SOX6: variants seen among roughly 807,000 people sequenced by gnomAD.
SOX6 encodes SRY-box transcription factor 6.
SOX6 carries 11 observed loss-of-function variants against 97.8 expected under a neutral mutation model. That is an observed-to-expected ratio of 0.11 (90% CI 0.07 to 0.19). The LOEUF (loss-of-function observed/expected upper bound fraction) is 0.19. Among genes scored for constraint, SOX6 ranks in the 10% least tolerant of loss-of-function variants. The probability of loss-of-function intolerance (pLI) is 1.00; values close to 1 mark genes in which losing one functional copy is unlikely to be tolerated. For synonymous variants in SOX6, 360 were observed against 371.4 expected, an observed-to-expected ratio of 0.97 and a Z score of 0.35; for missense variants, 810 against 1,039.5, an observed-to-expected ratio of 0.78 and a Z score of 3.04.
At chr11:16,335,962 G>A (rs1856448134) in intron 2 of SOX6, among the ~76,000 whole-genome samples, 1 of 152,052 alleles carries the variant, frequency 6.6e-6, no homozygotes, top group South Asian at 2.1e-4. Flanking sequence ...TATTTAAGGT[G>A]GAAACTTATT....
chr11:16,588,937 A>G (rs1848123286), intron 4 of SOX6, among the ~76,000 whole-genome samples: 1 of 152,172 alleles, frequency 6.6e-6, no homozygotes, highest in Non-Finnish European at 1.5e-5. Flanking sequence ...AGGCAGGAGG[A>G]TCACTTGAGC....
rs191723704 is a variant in SOX6 at position 16,588,527 on chromosome 11, A to C, written n.609+23554T>G. ...CCAGCTTCTGCTCTGATTTTATCTA[A>C]ATCCAAGGAAGGCTGGGTGCAGAAA... On this transcript the variant is annotated intron_variant and non_coding_transcript_variant, in intron 4 of 5. Coordinates refer to the SOX6 transcript ENST00000524520. 8.6e-4 allele frequency among the ~76,000 whole-genome samples: 131 copies of C among 152,254 alleles called. 1 individual carries two copies. Among genetic ancestry groups the C allele is most frequent in the Admixed American group, 1.6e-3 (24 of 15,284 alleles).
intron 3 of SOX6, among the ~76,000 whole-genome samples, chr11:16,708,488 A>AT (rs957864768): frequency 1.6e-4 from 24 of 152,170 alleles, no homozygotes; most frequent in African/African-American, 5.1e-4. Flanking sequence ...ATATACCTAC[A>AT]TTTTTTGTAA....
chr11:16,299,338 G>A (rs948866586), intron 3 of SOX6, among the ~76,000 whole-genome samples: 1 of 152,058 alleles, frequency 6.6e-6, no homozygotes, highest in Admixed American at 6.6e-5. Flanking sequence ...GCACGACCAA[G>A]CAATTATTTA....
At chr11:16,714,344 T>G (rs1466391859) in intron 3 of SOX6, among the ~76,000 whole-genome samples, 1 of 152,082 alleles carries the variant, frequency 6.6e-6, no homozygotes, top group African/African-American at 2.4e-5. Flanking sequence ...CAATGTCATG[T>G]TCATTGTTTT....
chr11:16,029,590 C>T (rs1369700497), intron 12 of SOX6, among the ~76,000 whole-genome samples: 2 of 150,800 alleles, frequency 1.3e-5, no homozygotes, highest in African/African-American at 2.4e-5. Context: ...GAGCAGAGAT[C>T]GAACCACTGA....
At chr11:16,050,984 A>C (rs561082900) in intron 10 of SOX6, among the ~76,000 whole-genome samples, 6 of 152,224 alleles carry the variant, frequency 3.9e-5, no homozygotes, top group Admixed American at 1.3e-4. Flanking sequence ...GTTTGGTAAC[A>C]GAACATTTTC....
chr11:16,008,228 C>T (rs1169226837), intron 13 of SOX6, among the ~76,000 whole-genome samples: 1 of 152,000 alleles, frequency 6.6e-6, no homozygotes, highest in Non-Finnish European at 1.5e-5. Flanking sequence ...ACAGACACAA[C>T]CAGCCATTTT....
intron 2 of SOX6, among the ~76,000 whole-genome samples, 163 bp downstream of exon 2, chr11:16,340,849 A>G (rs1856606723): frequency 6.6e-6 from 1 of 152,044 alleles, no homozygotes; most frequent in African/African-American, 2.4e-5. Context: ...CCATTTTTCA[A>G]GTTTTTCCAG....
At chr11:16,587,249 G>C (rs1405242188) in intron 4 of SOX6, among the ~76,000 whole-genome samples, 1 of 152,174 alleles carries the variant, frequency 6.6e-6, no homozygotes, top group Non-Finnish European at 1.5e-5. Context: ...TTTAGATTTG[G>C]TTCTGCCATT....
At chr11:16,188,841 T>A (rs1191290736) in intron 4 of SOX6, among the ~76,000 whole-genome samples, 3 of 152,026 alleles carry the variant, frequency 2.0e-5, no homozygotes, top group Non-Finnish European at 4.4e-5. Context: ...GGCAGGTGGC[T>A]CGCCTTAGGT....
At chr11:16,104,468 G>A (rs542527802) in intron 7 of SOX6, among the ~76,000 whole-genome samples, 2 of 148,436 alleles carry the variant, frequency 1.3e-5, no homozygotes, top group Admixed American at 1.3e-4. Flanking sequence ...TTCAAGATGT[G>A]GAACTCTTGG....
intron 3 of SOX6, among the ~76,000 whole-genome samples, chr11:16,681,363 G>T (rs748244119): frequency 1.3e-5 from 2 of 151,988 alleles, no homozygotes; most frequent in Non-Finnish European, 2.9e-5. Flanking sequence ...ATGACTACTG[G>T]GTAAATAACA....
chr11:16,593,776 A>G (rs1454817209), intron 4 of SOX6, among the ~76,000 whole-genome samples: 4 of 152,186 alleles, frequency 2.6e-5, no homozygotes, highest in Admixed American at 2.6e-4. Flanking sequence ...CTCATTTAAC[A>G]CTTAAGGAAA....
intron 1 of SOX6, among the ~76,000 whole-genome samples, chr11:16,451,983 AAAAT>A (rs58495641): frequency 1.7e-4 from 25 of 143,906 alleles, no homozygotes; most frequent in Middle Eastern, 3.6e-3. Context: ...ACCCTATCTA[AAAAT>A]AAATAAATAA....
At chr11:16,381,579 AAAGT>A (rs1446345592) in intron 1 of SOX6, among the ~76,000 whole-genome samples, 3 of 151,994 alleles carry the variant, frequency 2.0e-5, no homozygotes, top group Admixed American at 6.6e-5. Context: ...CCATCTCTAG[AAAGT>A]AAGTTTGTTT....
intron 6 of SOX6, among the ~76,000 whole-genome samples, chr11:16,143,407 G>A (rs1281172473): frequency 6.6e-6 from 1 of 152,260 alleles, no homozygotes; most frequent in South Asian, 2.1e-4. Context: ...ATGCCAAATT[G>A]TAAAGATCAT....
chr11:16,235,512 C>G (rs1852988995), intron 3 of SOX6, among the ~76,000 whole-genome samples: 1 of 151,944 alleles, frequency 6.6e-6, no homozygotes, highest in African/African-American at 2.4e-5. Context: ...TCTTTTAAGC[C>G]TCAAATCTTA....
chr11:16,499,608 TA>T, intron 4 of SOX6, among the ~76,000 whole-genome samples: 1 of 151,908 alleles, frequency 6.6e-6, no homozygotes, highest in East Asian at 1.9e-4. Context: ...ATAGACGCAA[TA>T]AAAAACGATA....
Sources: allele counts gnomAD v4.1 joint callset (sites outside exome capture counted in the v4.1 genomes callset), GRCh38; gene constraint gnomAD v4.1.1; transcripts MANE v1.5; gene names NCBI Gene and HGNC (gene_info 2026-07-23, HGNC 2026-07-21).